Variants in STRN observed in about 807,000 individuals in gnomAD.
The protein encoded by STRN is protein phosphatase 2 regulatory subunit B'''alpha.
STRN carries 53 observed loss-of-function variants against 96.3 expected under a neutral mutation model. That is an observed-to-expected ratio of 0.55 (90% CI 0.44 to 0.69). The LOEUF (loss-of-function observed/expected upper bound fraction) is 0.69. Ranked by LOEUF, STRN falls within the 30% of genes least tolerant of loss-of-function variation. The pLI is 0.00. For missense variants in STRN, 987 were observed against 963.9 expected, an observed-to-expected ratio of 1.02 and a Z score of -0.32; for synonymous variants, 428 against 355.9, an observed-to-expected ratio of 1.20 and a Z score of -2.28.
intron 1 of STRN, among the ~76,000 whole-genome samples, chr2:36,963,130 A>T (rs778105021): frequency 7.9e-5 from 12 of 152,210 alleles, no homozygotes; most frequent in Non-Finnish European, 1.5e-4. Flanking sequence ...GAGTGAAATA[A>T]GTGACAAATA....
intron 1 of STRN, among the ~76,000 whole-genome samples, chr2:36,945,511 C>G (rs1179987296): frequency 6.6e-6 from 1 of 151,986 alleles, no homozygotes; most frequent in Non-Finnish European, 1.5e-5. Context: ...ACTAAAAATA[C>G]AAAAAATTAG....
chr2:36,953,123 T>G (rs1056873728), intron 1 of STRN, among the ~76,000 whole-genome samples: 13 of 152,206 alleles, frequency 8.5e-5, no homozygotes, highest in Admixed American at 7.2e-4. Flanking sequence ...TAATGAAACA[T>G]TCCCCCGGCC....
intron 1 of STRN, among the ~76,000 whole-genome samples, chr2:36,925,756 G>C (rs2372785): frequency 0.4 from 61,554 of 152,018 alleles, 12,745 homozygotes; most frequent in East Asian, 0.55. Flanking sequence ...CTGGGTAACA[G>C]AGTGAGACTC....
intron 4 of STRN, among the ~76,000 whole-genome samples, chr2:36,903,089 G>A (rs1003123283): frequency 6.6e-6 from 1 of 152,116 alleles, no homozygotes; most frequent in African/African-American, 2.4e-5. Context: ...TTTTATAATA[G>A]TTATTCCGGT....
chr2:36,926,694 G>A (rs557623393), intron 1 of STRN, among the ~76,000 whole-genome samples: 63 of 152,114 alleles, frequency 4.1e-4, no homozygotes, highest in Admixed American at 1.0e-3. Flanking sequence ...ATTTCAATGT[G>A]CTCTTAAATT....
intron 1 of STRN, among the ~76,000 whole-genome samples, chr2:36,950,302 G>C (rs985285073): frequency 7.3e-6 from 1 of 137,416 alleles, no homozygotes; most frequent in Non-Finnish European, 1.5e-5. Flanking sequence ...CGCAACCTCC[G>C]TCTCTCAAGT....
intron 7 of STRN, 34 bp from the exon 8 acceptor site, chr2:36,886,860 T>TAGCATCATCCCTCTA (rs1210723172): frequency 6.4e-7 from 1 of 1,555,306 alleles, no homozygotes; most frequent in Non-Finnish European, 8.8e-7. Flanking sequence ...ACAGCCTTTT[T>TAGCATCATCCCTCTA]CAATAAAATA....
intron 9 of STRN, among the ~76,000 whole-genome samples, chr2:36,883,640 T>G (rs1006467006): frequency 6.6e-6 from 1 of 152,212 alleles, no homozygotes. Context: ...GACTGCTAAT[T>G]TTTCCAATGT....
chr2:36,904,830 A>ATGAC, intron 4 of STRN, among the ~76,000 whole-genome samples: 1 of 150,810 alleles, frequency 6.6e-6, no homozygotes, highest in East Asian at 2.2e-4. Flanking sequence ...TCCATCTCAA[A>ATGAC]TGAATGACTG....
chr2:36,908,102 T>C (rs1010469401), intron 3 of STRN, among the ~76,000 whole-genome samples: 6 of 152,198 alleles, frequency 3.9e-5, no homozygotes, highest in South Asian at 4.1e-4. Context: ...GCAGGTAACA[T>C]AGTATGTTCC....
At chr2:36,919,380 C>T (rs771050231) in intron 2 of STRN, among the ~76,000 whole-genome samples, 1 of 152,042 alleles carries the variant, frequency 6.6e-6, no homozygotes, top group African/African-American at 2.4e-5. Flanking sequence ...GAAGGTAACA[C>T]GTGAGATTTT....
intron 1 of STRN, among the ~76,000 whole-genome samples, chr2:36,938,407 T>C (rs1013909981): frequency 5.4e-5 from 8 of 149,488 alleles, no homozygotes; most frequent in African/African-American, 1.5e-4. Flanking sequence ...GCATGGGCAA[T>C]AGAGCAAGAT....
chr2:36,940,700 G>A (rs1670823082), intron 1 of STRN, among the ~76,000 whole-genome samples: 1 of 151,832 alleles, frequency 6.6e-6, no homozygotes, highest in South Asian at 2.1e-4. Flanking sequence ...GCCAGGCATG[G>A]TGGCGGGGCG....
intron 15 of STRN, among the ~76,000 whole-genome samples, chr2:36,852,525 T>A (rs894237828): frequency 6.6e-6 from 1 of 152,176 alleles, no homozygotes; most frequent in Admixed American, 6.5e-5. Flanking sequence ...ACGTCTCTCA[T>A]ATGGTTCAGA....
intron 5 of STRN, 113 bp downstream of exon 5, chr2:36,902,469 TAA>T (rs1383738929): frequency 5.2e-5 from 33 of 640,514 alleles, no homozygotes; most frequent in African/African-American, 4.5e-4. Flanking sequence ...GAATTTTTAT[TAA>T]GTTATAAATT....
Position 36,883,942 on chromosome 2 carries a change from C to T in STRN, c.1176G>A (p.Arg392=). Residue 392 remains arginine (R), a synonymous_variant, in exon 9 of 18, where the codon AGG becomes AGA. Coordinates refer to ENST00000263918, the MANE Select transcript of STRN (RefSeq NM_003162.4). ...ATCTTAAATACTTACCTTCATCTGC[C>T]CTATTAATTTCATGTTCAGGAAGCC... ...SSRLPEHEIN[R]ADEVEALTFP... 7.2e-7 allele frequency: 1 copy of T among 1,394,004 alleles called. No homozygotes were observed. The highest frequency in any genetic ancestry group is 2.1e-5 in the South Asian group (1 of 47,300). The allele number at this position is 1,394,004 out of a possible 1,614,324, so 86.4% of individuals were successfully genotyped here.
chr2:36,857,959 A>C lies in STRN; in HGVS notation c.1734T>G (p.Ser578Arg). The change falls in exon 14 of 18, where the codon AGT (serine) becomes AGG (arginine). Residue 578 changes from serine (S) to arginine (R), a missense_variant. Transcript: ENST00000263918. ...HTDAVWGLAY[S>R]AAHQRLLSCS... ...AGGACAACAAACGCTGATGTGCTGC[A>C]CTATAAGCCAAACCCCAGACTGCAT... 1 of 1,613,678 alleles carries C rather than the reference A, an allele frequency of 6.2e-7. No individual in the cohort carries two copies. Among genetic ancestry groups the C allele is most frequent in the Non-Finnish European group, 8.5e-7 (1 of 1,179,760 alleles).
chr2:36,964,496 A>C (rs1176457536), intron 1 of STRN, among the ~76,000 whole-genome samples: 1 of 152,228 alleles, frequency 6.6e-6, no homozygotes, highest in East Asian at 1.9e-4. Context: ...TGGAGACTAT[A>C]TAAACAAGGT....
At chr2:36,925,030 T>G in intron 2 of STRN, 75 bp downstream of exon 2, 1 of 1,374,676 alleles carries the variant, frequency 7.3e-7, no homozygotes, top group Non-Finnish European at 1.0e-6. Flanking sequence ...CACCCCAGCC[T>G]GGGCAACAAG....
Sources: gnomAD v4.1 joint callset for allele counts (sites outside exome capture counted in the v4.1 genomes callset) on GRCh38, gnomAD v4.1.1 for gene constraint, MANE v1.5 for transcripts, NCBI Gene and HGNC (gene_info 2026-07-23, HGNC 2026-07-21) for gene names.